Variants in CACNA1H observed in about 807,000 individuals in gnomAD.
The protein encoded by CACNA1H is calcium voltage-gated channel subunit alpha1 H, also known as voltage-dependent T-type calcium channel subunit alpha-1H.
CACNA1H carries 149 observed loss-of-function variants against 192.5 expected under a neutral mutation model. The observed-to-expected ratio is 0.77, with a 90% CI of 0.68 to 0.89. The LOEUF (loss-of-function observed/expected upper bound fraction) is 0.89. Ranked by LOEUF, CACNA1H falls within the 40% of genes least tolerant of loss-of-function variation. CACNA1H has a pLI of 0.00. For synonymous variants in CACNA1H, 2,202 were observed against 1,475.2 expected, an observed-to-expected ratio of 1.49 and a Z score of -11.29; for missense variants, 4,257 against 3,423.5, an observed-to-expected ratio of 1.24 and a Z score of -6.08.
chr16:1,199,711 C>A (rs1391882334), intron 6 of CACNA1H, among the ~76,000 whole-genome samples: 1 of 151,066 alleles, frequency 6.6e-6, no homozygotes, highest in African/African-American at 2.4e-5. Flanking sequence ...CGAGTCTCCC[C>A]TCAGCCTTCA....
At chr16:1,201,103 C>T (rs553493145) in intron 8 of CACNA1H, among the ~76,000 whole-genome samples, 2 of 152,106 alleles carry the variant, frequency 1.3e-5, no homozygotes, top group South Asian at 4.1e-4. Flanking sequence ...GTGTGTGGCC[C>T]CAGGTGTGCT....
rs1436872465 is a variant in CACNA1H, at chr16:1,207,378, A to G, written c.3011A>G (p.Tyr1004Cys). 2.5e-6 allele frequency: 4 copies of G among 1,612,940 alleles called. No homozygotes were observed. In the Admixed American group the frequency reaches 5.0e-5, roughly 20 times the overall value. Residue 1004 changes from tyrosine to cysteine, a missense_variant, in exon 14 of 35, where the codon TAT becomes TGT. Physicochemically the swap from Tyr to Cys is radical, Grantham distance 194 (BLOSUM62 -2). Coordinates refer to ENST00000348261, the MANE Select transcript of CACNA1H (RefSeq NM_021098.3). The part of the protein sequence containing the change: ...YFVALMTFGN[Y>C]VLFNLLVAIL... ...GTGGCCCTCATGACCTTCGGCAACT[A>G]TGTGCTCTTCAACCTGCTGGTGGCC...
At chr16:1,165,194 G>A (rs544647733) in intron 2 of CACNA1H, among the ~76,000 whole-genome samples, 4 of 152,230 alleles carry the variant, frequency 2.6e-5, no homozygotes, top group African/African-American at 7.2e-5. Context: ...CTGGGGAGAC[G>A]GGGGGAAGAG....
At position 1,213,913 on chromosome 16, in the gene CACNA1H, G is replaced by T; in HGVS notation, c.4911G>T (p.Glu1637Asp). Reference protein sequence around the residue: ...ICVNVITMSMEHYNQPKSLDE... With the variant: ...ICVNVITMSMDHYNQPKSLDE... ...TCAACGTCATCACCATGTCCATGGAGCACTATAACCAACCCAAGGTGGGTG... is the reference window on the plus strand; with the variant it reads ...TCAACGTCATCACCATGTCCATGGATCACTATAACCAACCCAAGGTGGGTG... The change falls in exon 27 of 35, where the codon GAG becomes GAT. Residue 1637 changes from glutamate (E) to aspartate (D), a missense_variant. Physicochemically the swap from Glu to Asp is conservative, Grantham distance 45. Transcript: ENST00000348261. 1 of 1,611,372 alleles carries T rather than the reference G, an allele frequency of 6.2e-7. No homozygotes were observed. Among genetic ancestry groups the T allele is most frequent in the African/African-American group, 1.3e-5 (1 of 75,028 alleles).
intron 2 of CACNA1H, among the ~76,000 whole-genome samples, chr16:1,160,620 C>T (rs972698590): frequency 1.6e-4 from 24 of 152,218 alleles, no homozygotes; most frequent in Non-Finnish European, 2.8e-4. Context: ...GTGTCCCTGG[C>T]CTCCGTGCAC....
At position 1,210,967 on chromosome 16, in the gene CACNA1H, C is replaced by T. The variant is rs1041269521; in HGVS notation, c.4219C>T (p.Leu1407=). 8 of 1,595,386 alleles carry T rather than the reference C, an allele frequency of 5.0e-6. No individual in the cohort carries two copies. The highest frequency in any genetic ancestry group is 6.8e-6 in the Non-Finnish European group (8 of 1,176,494). ...GCGTCTGCTGCGGACCCTGCGGCCT[C>T]TGAGGTGGGGGGCTCCCCGTGGGCT... ...VLRLLRTLRP[L]RVISRAPGLK... is the part of the protein sequence containing the mutation. The change falls in exon 21 of 35, where the codon CTG becomes TTG. Residue 1407 remains leucine (L), a synonymous_variant. Coordinates refer to ENST00000348261, the MANE Select transcript of CACNA1H (RefSeq NM_021098.3).
At chr16:1,203,394 T>A (rs1968237405) in intron 9 of CACNA1H, among the ~76,000 whole-genome samples, 1 of 151,892 alleles carries the variant, frequency 6.6e-6, no homozygotes, top group Non-Finnish European at 1.5e-5. Flanking sequence ...TGGCTGCTGT[T>A]ATATTTCTGT....
At chr16:1,186,153 G>A (rs549642900) in intron 2 of CACNA1H, among the ~76,000 whole-genome samples, 1 of 130,376 alleles carries the variant, frequency 7.7e-6, no homozygotes. Context: ...GTGACTAGAC[G>A]GTCGGCGTGC....
Position 1,217,131 on chromosome 16 carries a change from G to A in CACNA1H, c.5323+121G>A, listed in dbSNP as rs542851756. 1.6e-4 allele frequency: 129 copies of A among 815,936 alleles called. 2 individuals carry two copies. The South Asian group carries it at 2.1e-3, about 13-fold the overall frequency. The allele number at this position is 815,936 out of a possible 1,614,324, so 50.5% of individuals were successfully genotyped here. On this transcript the variant is annotated intron_variant, in intron 31 of 34. Coordinates refer to ENST00000348261, the MANE Select transcript of CACNA1H (RefSeq NM_021098.3). ...GCGTGGGGCCTGATCAGGGCCACAC[G>A]CCTCCTGGGCGTCCTCACCCGGCCC...
chr16:1,211,861 T>A, intron 24 of CACNA1H, 56 bp downstream of exon 24: 1 of 1,609,668 alleles, frequency 6.2e-7, no homozygotes. Context: ...AGCGGCTGCC[T>A]TGGCCTCTGG....
At chr16:1,178,892 G>A (rs1965185756) in intron 2 of CACNA1H, among the ~76,000 whole-genome samples, 1 of 152,220 alleles carries the variant, frequency 6.6e-6, no homozygotes, top group African/African-American at 2.4e-5. Context: ...TCCCCAGCAG[G>A]GTGGCCCCGC....
At chr16:1,185,476 C>A (rs976272274) in intron 2 of CACNA1H, among the ~76,000 whole-genome samples, 1 of 149,914 alleles carries the variant, frequency 6.7e-6, no homozygotes, top group Admixed American at 6.6e-5. Context: ...GCCAGACTCC[C>A]ACATGGACGC....
In CACNA1H at chr16:1,208,026, T is replaced by C. The variant is rs1555514839; in HGVS notation, c.3168T>C (p.Cys1056=). 8.7e-6 allele frequency: 14 copies of C among 1,605,296 alleles called. No individual in the cohort carries two copies. The highest frequency in any genetic ancestry group is 1.2e-5 in the Non-Finnish European group (14 of 1,176,800). Residue 1056 remains cysteine (C), a synonymous_variant, in exon 16 of 35, where the codon TGT becomes TGC. Transcript: ENST00000348261. The stretch of plus-strand genomic sequence containing the variant: ...TCTGTCCCGCAGAGCTGAAGATGTG[T>C]TCCCTGGCCGTGACCCCCAACGGGC... ...RELQTTELKM[C]SLAVTPNGHL...
intron 2 of CACNA1H, among the ~76,000 whole-genome samples, chr16:1,187,205 G>C (rs974846887): frequency 6.6e-6 from 1 of 152,278 alleles, no homozygotes; most frequent in Non-Finnish European, 1.5e-5. Flanking sequence ...GGGGCCGGGA[G>C]GGGAGGAGGC....
At chr16:1,214,078 C>T (rs1445744948) in intron 27 of CACNA1H, 147 bp downstream of exon 27, 2 of 721,100 alleles carry the variant, frequency 2.8e-6, no homozygotes, top group Non-Finnish European at 4.6e-6. Context: ...GAACACGGGT[C>T]TTTTAATGTT....
intron 2 of CACNA1H, among the ~76,000 whole-genome samples, chr16:1,169,492 G>T (rs923912854): frequency 6.6e-6 from 1 of 152,214 alleles, no homozygotes; most frequent in Middle Eastern, 3.2e-3. Flanking sequence ...GCAGCAGCAG[G>T]GCTTGGCGGG....
At chr16:1,192,825 A>G (rs1200805110) in intron 2 of CACNA1H, among the ~76,000 whole-genome samples, 1 of 151,996 alleles carries the variant, frequency 6.6e-6, no homozygotes, top group Admixed American at 6.5e-5. Context: ...TCAGTCCTGG[A>G]GTCCAGGGGT....
At chr16:1,171,919 G>C (rs904226019) in intron 2 of CACNA1H, among the ~76,000 whole-genome samples, 1 of 152,256 alleles carries the variant, frequency 6.6e-6, no homozygotes, top group African/African-American at 2.4e-5. Context: ...GTGTCCACGG[G>C]TGGGGGCATG....
rs184491202 is a variant in CACNA1H at position 1,220,977 on chromosome 16, G to A, written c.7045G>A (p.Ala2349Thr). The change falls in exon 35 of 35, where the codon GCA (alanine) becomes ACA (threonine). Residue 2349 changes from alanine (A) to threonine (T), a missense_variant. Physicochemically the swap from Ala to Thr is moderately conservative, Grantham distance 58. Coordinates refer to ENST00000348261, the MANE Select transcript of CACNA1H (RefSeq NM_021098.3). ...PSATPAPGGG[A>T]DDPV Reference sequence around the variant, plus strand: ...AGCCACCCCTGCCCCAGGGGGTGGTGCAGATGACCCCGTGTAGCTCGGGGC... The same window carrying A: ...AGCCACCCCTGCCCCAGGGGGTGGTACAGATGACCCCGTGTAGCTCGGGGC... 6.3e-6 allele frequency: 10 copies of A among 1,595,788 alleles called. No individual in the cohort carries two copies. The highest frequency in any genetic ancestry group is 2.7e-5 in the African/African-American group (2 of 74,092).
Sources: gnomAD v4.1 joint callset for allele counts (sites outside exome capture counted in the v4.1 genomes callset) on GRCh38, gnomAD v4.1.1 for gene constraint, MANE v1.5 for transcripts, NCBI Gene and HGNC (gene_info 2026-07-23, HGNC 2026-07-21) for gene names.